The following NCAM2 variants were observed in gnomAD, a reference collection of about 807,000 sequenced individuals.
NCAM2 encodes the protein N-CAM-2.
In NCAM2, 30 loss-of-function variants were observed where a neutral mutation model predicts 98.1. The observed-to-expected ratio is 0.31, with a 90% CI of 0.23 to 0.41. NCAM2 has a LOEUF of 0.41. Among genes scored for constraint, NCAM2 ranks in the 10% least tolerant of loss-of-function variants. NCAM2 has a pLI of 1.00. For synonymous variants in NCAM2, 368 were observed against 342.4 expected, an observed-to-expected ratio of 1.07 and a Z score of -0.83; for missense variants, 867 against 1,005.8, an observed-to-expected ratio of 0.86 and a Z score of 1.87.
chr21:21,126,856 T>C (rs1230848265), intron 1 of NCAM2, among the ~76,000 whole-genome samples: 5 of 152,070 alleles, frequency 3.3e-5, no homozygotes, highest in African/African-American at 1.2e-4. Flanking sequence ...AAGGTCATTG[T>C]CATTTTTTTG....
At chr21:21,469,841 C>T (rs1164186726) in intron 14 of NCAM2, among the ~76,000 whole-genome samples, 2 of 151,884 alleles carry the variant, frequency 1.3e-5, no homozygotes, top group Non-Finnish European at 2.9e-5. Context: ...TTTGTCCCAG[C>T]TTTCATACTC....
At chr21:21,072,527 T>C (rs535414081) in intron 1 of NCAM2, among the ~76,000 whole-genome samples, 1 of 152,264 alleles carries the variant, frequency 6.6e-6, no homozygotes, top group South Asian at 2.1e-4. Context: ...ATGTAAAATA[T>C]CATTAAAAAG....
chr21:21,316,012 A>T (rs544584897), intron 5 of NCAM2, among the ~76,000 whole-genome samples: 1 of 152,210 alleles, frequency 6.6e-6, no homozygotes, highest in South Asian at 2.1e-4. Flanking sequence ...ATATATTAAC[A>T]AAGTGATTTT....
chr21:21,162,728 G>A (rs948685340), intron 1 of NCAM2, among the ~76,000 whole-genome samples: 4 of 152,016 alleles, frequency 2.6e-5, no homozygotes, highest in Non-Finnish European at 4.4e-5. Flanking sequence ...GTGATGATTG[G>A]CATGTATCAT....
chr21:21,191,619 T>C (rs918918208), intron 1 of NCAM2, among the ~76,000 whole-genome samples: 16 of 152,214 alleles, frequency 1.1e-4, no homozygotes, highest in African/African-American at 3.9e-4. Flanking sequence ...TGTGAAGCTC[T>C]GCAAATCAGA....
intron 1 of NCAM2, among the ~76,000 whole-genome samples, chr21:21,129,973 T>C (rs2066902803): frequency 1.3e-5 from 2 of 152,188 alleles, no homozygotes; most frequent in African/African-American, 4.8e-5. Flanking sequence ...TAAAGTAGCA[T>C]CATTTTATTT....
At chr21:21,121,621 T>C (rs533063466) in intron 1 of NCAM2, among the ~76,000 whole-genome samples, 1 of 152,346 alleles carries the variant, frequency 6.6e-6, no homozygotes, top group East Asian at 1.9e-4. Flanking sequence ...ATGATCCTTC[T>C]TTGAGGTTCA....
chr21:21,265,106 A>ATATATGTGTATGTG (rs2072152588), intron 1 of NCAM2, among the ~76,000 whole-genome samples: 1 of 32,374 alleles, frequency 3.1e-5, no homozygotes, highest in Non-Finnish European at 6.8e-5. Context: ...TACATATATA[A>ATATATGTGTATGTG]TATATATACA....
At chr21:21,346,734 A>G (rs2075200018) in intron 8 of NCAM2, among the ~76,000 whole-genome samples, 1 of 152,088 alleles carries the variant, frequency 6.6e-6, no homozygotes, top group South Asian at 2.1e-4. Flanking sequence ...TTTTGAAAGT[A>G]TAAAAATACA....
chr21:21,476,579 A>C (rs1244165290), intron 14 of NCAM2, among the ~76,000 whole-genome samples: 1 of 152,052 alleles, frequency 6.6e-6, no homozygotes, highest in Non-Finnish European at 1.5e-5. Context: ...ATATTTCATT[A>C]GTAATTGTAG....
At chr21:21,479,608 A>AAAAAAAAAAAAAAAAAAAAAAAAAC (rs1491473437) in intron 15 of NCAM2, among the ~76,000 whole-genome samples, 1 of 127,916 alleles carries the variant, frequency 7.8e-6, no homozygotes, top group Non-Finnish European at 1.8e-5. Context: ...AAAAAAAAAA[A>AAAAAAAAAAAAAAAAAAAAAAAAAC]TTGTTGATGA....
At chr21:21,145,188 A>G (rs1186074459) in intron 1 of NCAM2, among the ~76,000 whole-genome samples, 2 of 152,188 alleles carry the variant, frequency 1.3e-5, no homozygotes, top group African/African-American at 4.8e-5. Flanking sequence ...TGAAACAACA[A>G]TAGAGTGAAG....
At position 21,477,957 on chromosome 21, in the gene NCAM2, G is replaced by T. The variant is rs149701507; in HGVS notation, c.2077+486G>T. On this transcript the variant is annotated intron_variant, in intron 15 of 17. Coordinates refer to ENST00000400546, the MANE Select transcript of NCAM2 (RefSeq NM_004540.5). ...ACAGCCACAAATATAATTCCATAAA[G>T]ACCTATACCTAGAGTTTTAAGAAGG... is the stretch of plus-strand genomic sequence containing the variant. Among the ~76,000 whole-genome samples, 105 of 152,192 alleles carry T rather than the reference G, an allele frequency of 6.9e-4. 1 individual carries two copies. The highest frequency in any genetic ancestry group is 2.4e-3 in the African/African-American group (98 of 41,552).
chr21:21,423,785 T>C (rs1318969930), intron 11 of NCAM2, among the ~76,000 whole-genome samples: 1 of 152,090 alleles, frequency 6.6e-6, no homozygotes, highest in Non-Finnish European at 1.5e-5. Flanking sequence ...ATTTTAGCTC[T>C]TTTTTTCAGG....
In NCAM2 at chr21:21,384,767, G is replaced by T. The variant is rs574065599; in HGVS notation, c.1195+10754G>T. Among the ~76,000 whole-genome samples, 24 of 152,072 alleles carry T rather than the reference G, an allele frequency of 1.6e-4. No individual in the cohort carries two copies. The East Asian group carries it at 4.2e-3, about 27-fold the overall frequency. On this transcript the variant is annotated intron_variant, in intron 9 of 17. Transcript: ENST00000400546. ...AAATTATATAAATATGCTAGTGAAA[G>T]ATTGATGAATACTTAAGTAGAAAGT...
At chr21:21,354,044 C>CA (rs1442502451) in intron 8 of NCAM2, among the ~76,000 whole-genome samples, 1 of 150,822 alleles carries the variant, frequency 6.6e-6, no homozygotes, top group Non-Finnish European at 1.5e-5. Context: ...AGAATTCTTA[C>CA]AAAATGATAA....
chr21:21,540,615 TATAC>T lies in NCAM2; in HGVS notation c.*2662_*2665del, dbSNP rs1990195079. 1 of 152,088 alleles carries T rather than the reference TATAC, an allele frequency of 6.6e-6. No homozygotes were observed. The highest frequency in any genetic ancestry group is 1.5e-5 in the Non-Finnish European group (1 of 67,974). The allele number at this position is 152,088 out of a possible 1,614,324, so 9.4% of individuals were successfully genotyped here. A position where few individuals can be genotyped will look rare whatever the true frequency, so the allele number is the denominator to read the frequency against. On this transcript the variant is annotated 3_prime_UTR_variant, in exon 18 of 18. Coordinates refer to ENST00000400546, the MANE Select transcript of NCAM2 (RefSeq NM_004540.5). The stretch of plus-strand genomic sequence containing the variant: ...ATTCTTATTCTAGATTAAACAAACA[TATAC>T]ATATAACCATATAAATGTTATTTTT...
At chr21:21,498,352 C>A (rs1291311338) in intron 15 of NCAM2, among the ~76,000 whole-genome samples, 1 of 152,022 alleles carries the variant, frequency 6.6e-6, no homozygotes, top group African/African-American at 2.4e-5. Flanking sequence ...TTGCAGTTTT[C>A]TCTTCATAGA....
chr21:21,056,144 T>C lies in NCAM2; in HGVS notation c.55+57526T>C, dbSNP rs570187285. Among the ~76,000 whole-genome samples the C allele has an allele frequency of 4.6e-4, 70 of 152,188 alleles. 1 individual carries two copies. The highest frequency in any genetic ancestry group is 7.2e-4 in the Non-Finnish European group (49 of 67,964). ...AAATAATTGGAGGAAAAAAAGCCTG[T>C]GTCTTTATATATTAGAAATGCTACA... On this transcript the variant is annotated intron_variant, in intron 1 of 17. Transcript: ENST00000400546.
Sources: gnomAD v4.1 joint callset for allele counts (sites outside exome capture counted in the v4.1 genomes callset) on GRCh38, gnomAD v4.1.1 for gene constraint, MANE v1.5 for transcripts, NCBI Gene and HGNC (gene_info 2026-07-23, HGNC 2026-07-21) for gene names.